Variants in MACF1 observed in about 807,000 individuals in gnomAD.
The protein encoded by MACF1 is microtubule actin crosslinking factor 1.
A neutral mutation model predicts 854.8 loss-of-function variants in MACF1; 193 were observed. The ratio of observed to expected loss-of-function variants is 0.23; its 90% confidence interval spans 0.20 to 0.25. The LOEUF is 0.25. MACF1 is among the 10% of genes least tolerant of loss of function. MACF1 has a pLI of 1.00. For synonymous variants in MACF1, 3,185 were observed against 3,226.7 expected (o/e 0.99, Z 0.44); for missense variants, 7,722 against 8,929.1 (o/e 0.86, Z 5.45).
At chr1:39,429,766 A>C in intron 64 of MACF1, 61 bp from the exon 65 acceptor site, 2 of 1,513,398 alleles carry the variant, frequency 1.3e-6, no homozygotes, top group South Asian at 2.3e-5. Context: ...AAGAAAGGGG[A>C]TCAGAGACTC....
rs1451512918 is a variant in MACF1, at chr1:39,336,491, A to G, written c.9903A>G (p.Glu3301=). ...IISPTVLETS[E]EKTVSLTVCS... is the part of the protein sequence containing the mutation. ...GTCCTACTGTTCTAGAGACCAGTGA[A>G]GAAAAGACAGTGTCCCTAACAGTAT... The change falls in exon 37 of 101, where the codon GAA becomes GAG. Residue 3301 remains glutamate (E), a synonymous_variant. Coordinates refer to ENST00000564288, the MANE Select transcript of MACF1 (RefSeq NM_001394062.1). 5 of 1,614,194 alleles carry G rather than the reference A, an allele frequency of 3.1e-6. No homozygotes were observed. The highest frequency in any genetic ancestry group is 8.5e-7 in the Non-Finnish European group (1 of 1,180,010).
Position 39,350,980 on chromosome 1 carries a change from G to A in MACF1, c.11161G>A (p.Glu3721Lys). 5.0e-6 allele frequency: 8 copies of A among 1,614,128 alleles called. No homozygotes were observed. Among genetic ancestry groups the A allele is most frequent in the Non-Finnish European group, 6.8e-6 (8 of 1,179,998 alleles). Residue 3721 changes from glutamate to lysine, a missense_variant, in exon 43 of 101, where the codon GAA (glutamate) becomes AAA (lysine). Glu to Lys is a moderately conservative substitution (Grantham distance 56). This residue lies in a region of MACF1 where 2,807 missense variants were observed against 3,235.8 expected (regional missense o/e 0.87). Transcript: ENST00000564288. Reference sequence around the variant, plus strand: ...ACGTGTGGCCCAGAAGGAACTGGAGGAAGCAGTGACCTCCGCCTTACAGCA... The same window carrying A: ...ACGTGTGGCCCAGAAGGAACTGGAGAAAGCAGTGACCTCCGCCTTACAGCA... ...ETRVAQKELE[E>K]AVTSALQQET...
chr1:39,481,126 C>T, intron 99 of MACF1, 96 bp downstream of exon 99: 1 of 715,102 alleles, frequency 1.4e-6, no homozygotes, highest in South Asian at 1.7e-5. Context: ...TCCCTGCACT[C>T]TTTCATCTCT....
At chr1:39,298,439 A>G (rs1042432206) in intron 21 of MACF1, among the ~76,000 whole-genome samples, 2 of 152,234 alleles carry the variant, frequency 1.3e-5, no homozygotes, top group Non-Finnish European at 2.9e-5. Context: ...TATTACACAG[A>G]GTTGGCAAGA....
intron 2 of MACF1, among the ~76,000 whole-genome samples, chr1:39,245,061 T>A (rs1329043881): frequency 6.6e-6 from 1 of 152,194 alleles, no homozygotes; most frequent in East Asian, 1.9e-4. Context: ...AGACAAAGAT[T>A]GAGAGGCATA....
intron 2 of MACF1, among the ~76,000 whole-genome samples, chr1:39,163,360 A>AAAT (rs376459592): frequency 2.1e-5 from 3 of 144,312 alleles, no homozygotes; most frequent in African/African-American, 5.1e-5. Context: ...AAAAAAAAAA[A>AAAT]GAAAAGAAAA....
chr1:39,483,162 A>G (rs541293408), intron 99 of MACF1, among the ~76,000 whole-genome samples: 1 of 151,988 alleles, frequency 6.6e-6, no homozygotes, highest in East Asian at 1.9e-4. Flanking sequence ...CCTACTATCT[A>G]AAAAACCAAA....
At chr1:39,342,458 G>A (rs989829011) in intron 40 of MACF1, among the ~76,000 whole-genome samples, 1 of 151,826 alleles carries the variant, frequency 6.6e-6, no homozygotes, top group African/African-American at 2.4e-5. Context: ...AAGTTCCTGT[G>A]AAATCGCCGC....
At chr1:39,375,365 G>GA (rs1430272790) in intron 52 of MACF1, among the ~76,000 whole-genome samples, 1 of 151,322 alleles carries the variant, frequency 6.6e-6, no homozygotes, top group Admixed American at 6.6e-5. Flanking sequence ...GCAGTGGCAC[G>GA]ATCTCGGCTC....
At chr1:39,386,966 G>A (rs916986067) in intron 57 of MACF1, among the ~76,000 whole-genome samples, 1 of 152,166 alleles carries the variant, frequency 6.6e-6, no homozygotes, top group Non-Finnish European at 1.5e-5. Flanking sequence ...TTACCAGCTA[G>A]AAGTCAAAGT....
At chr1:39,192,621 AAC>A (rs1363805420) in intron 2 of MACF1, among the ~76,000 whole-genome samples, 2 of 152,312 alleles carry the variant, frequency 1.3e-5, no homozygotes, top group African/African-American at 4.8e-5. Flanking sequence ...GAATAAAAGC[AAC>A]ACAGTTTTCT....
chr1:39,194,332 TTTTCTTTTCTTTTCTTTTC>T (rs1269866220), intron 2 of MACF1, among the ~76,000 whole-genome samples: 17,869 of 95,214 alleles, frequency 0.19, 1,748 homozygotes, highest in Non-Finnish European at 0.23. Flanking sequence ...TTTTCTTTTC[TTTTCTTTTCTTTTCTTTTC>T]TTTTTTTTTT....
intron 2 of MACF1, among the ~76,000 whole-genome samples, chr1:39,121,562 C>T (rs192024792): frequency 6.6e-6 from 1 of 152,222 alleles, no homozygotes; most frequent in Non-Finnish European, 1.5e-5. Flanking sequence ...GATTCTTGTG[C>T]CTCAGCCTGC....
intron 74 of MACF1, 31 bp from the exon 75 acceptor site, chr1:39,441,920 GT>G (rs1413522713): frequency 1.3e-6 from 2 of 1,526,554 alleles, no homozygotes; most frequent in Admixed American, 3.4e-5. Context: ...TCTTCTGGTT[GT>G]TTTTGACTGT....
At chr1:39,156,991 T>A (rs150224982) in intron 2 of MACF1, among the ~76,000 whole-genome samples, 1 of 150,616 alleles carries the variant, frequency 6.6e-6, no homozygotes, top group African/African-American at 2.4e-5. Flanking sequence ...TTCCTCTAAG[T>A]TGGGGTCTTG....
chr1:39,125,516 A>C (rs1332203188), intron 2 of MACF1, among the ~76,000 whole-genome samples: 1 of 152,190 alleles, frequency 6.6e-6, no homozygotes, highest in Non-Finnish European at 1.5e-5. Context: ...CCTTCCATTC[A>C]TTCGGGAGAT....
intron 58 of MACF1, among the ~76,000 whole-genome samples, chr1:39,415,480 C>T (rs917862094): frequency 1.6e-4 from 24 of 148,862 alleles, no homozygotes; most frequent in African/African-American, 3.4e-4. Flanking sequence ...GGACTACAGG[C>T]GCCCGCCACT....
rs1034752081 is a variant in MACF1 at position 39,486,721 on chromosome 1, G to T, written c.*927G>T. 6.6e-6 allele frequency: 1 copy of T among 152,638 alleles called. No homozygotes were observed. Among genetic ancestry groups the T allele is most frequent in the African/African-American group, 2.4e-5 (1 of 41,448 alleles). The allele number at this position is 152,638 out of a possible 1,614,324, so 9.5% of individuals were successfully genotyped here. A position where few individuals can be genotyped will look rare whatever the true frequency, so the allele number is the denominator to read the frequency against. Reference sequence around the variant, plus strand: ...GTGGACGTAAGACAAACACGTGCTCGTCCTTTAATGGAGTTCACCAGCACA... The same window carrying T: ...GTGGACGTAAGACAAACACGTGCTCTTCCTTTAATGGAGTTCACCAGCACA... On this transcript the variant is annotated 3_prime_UTR_variant, in exon 101 of 101. Transcript: ENST00000564288.
At chr1:39,205,431 T>C (rs761303131) in intron 1 of MACF1, among the ~76,000 whole-genome samples, 7 of 152,210 alleles carry the variant, frequency 4.6e-5, no homozygotes, top group African/African-American at 7.2e-5. Flanking sequence ...GCTGACTTAG[T>C]CTTTCCTCAG....
Sources: gnomAD v4.1 joint callset for allele counts (sites outside exome capture counted in the v4.1 genomes callset) on GRCh38, gnomAD v4.1.1 for gene constraint, gnomAD v4.1.1 regional missense constraint, MANE v1.5 for transcripts, NCBI Gene and HGNC (gene_info 2026-07-23, HGNC 2026-07-21) for gene names.